Variants in L3MBTL4 observed in about 807,000 individuals in gnomAD.
L3MBTL4 encodes the protein L3MBTL histone methyl-lysine binding protein 4.
L3MBTL4 carries 70 observed loss-of-function variants against 84.5 expected under a neutral mutation model. That is an observed-to-expected ratio of 0.83 (90% confidence interval 0.68 to 1.01). L3MBTL4 has a LOEUF of 1.01. Ranked by LOEUF, L3MBTL4 falls within the 50% of genes least tolerant of loss-of-function variation. The pLI is 0.00. For missense variants in L3MBTL4, 715 were observed against 754.8 expected (o/e 0.95, Z 0.62); for synonymous variants, 274 against 259.8 (o/e 1.05, Z -0.52).
At chr18:6,160,211 C>T (rs1427295972) in intron 13 of L3MBTL4, among the ~76,000 whole-genome samples, 1 of 152,182 alleles carries the variant, frequency 6.6e-6, no homozygotes, top group East Asian at 1.9e-4. Flanking sequence ...AAGACCCCAC[C>T]CTAGGGGATC....
chr18:5,977,922 G>A lies in L3MBTL4; in HGVS notation c.1445-8360C>T, dbSNP rs181226892. 3.9e-3 allele frequency among the ~76,000 whole-genome samples: 589 copies of A among 152,294 alleles called. 5 individuals are homozygous for A. Among genetic ancestry groups the A allele is most frequent in the African/African-American group, 0.013 (531 of 41,544 alleles). ...ACCCTGCCACTGGCTACCCTTTATG[G>A]AAATTGTCCATTTATTTTTTCAGCC... On this transcript the variant is annotated intron_variant, in intron 16 of 18. Transcript: ENST00000317931.
At chr18:6,273,628 G>A (rs1437857045) in intron 4 of L3MBTL4, among the ~76,000 whole-genome samples, 1 of 152,242 alleles carries the variant, frequency 6.6e-6, no homozygotes, top group Non-Finnish European at 1.5e-5. Flanking sequence ...GACAGCTGGG[G>A]GCTGAAGAGG....
chr18:6,077,717 C>T (rs555986862), intron 16 of L3MBTL4, among the ~76,000 whole-genome samples: 123 of 146,766 alleles, frequency 8.4e-4, no homozygotes, highest in Non-Finnish European at 1.2e-3. Flanking sequence ...AGCCCATTTT[C>T]CTTAAAAAAA....
chr18:5,971,536 G>T (rs933378459), intron 16 of L3MBTL4, among the ~76,000 whole-genome samples: 2 of 152,158 alleles, frequency 1.3e-5, no homozygotes, highest in Non-Finnish European at 2.9e-5. Flanking sequence ...CACAGTGAAA[G>T]AATCTTATAT....
intron 4 of L3MBTL4, among the ~76,000 whole-genome samples, chr18:6,290,020 A>C (rs1431095031): frequency 6.6e-6 from 1 of 152,130 alleles, no homozygotes; most frequent in Non-Finnish European, 1.5e-5. Context: ...TCTTGAGCTC[A>C]AGGAATCCTC....
At chr18:6,247,466 A>ATTTTTTTTTTTTTTTTT (rs71163266) in intron 5 of L3MBTL4, among the ~76,000 whole-genome samples, 1 of 49,638 alleles carries the variant, frequency 2.0e-5, no homozygotes, top group African/African-American at 1.0e-4. Context: ...CCCTCCTCTG[A>ATTTTTTTTTTTTTTTTT]TTTTTTTTTT....
intron 18 of L3MBTL4, among the ~76,000 whole-genome samples, chr18:5,957,722 G>A (rs369189226): frequency 2.0e-5 from 3 of 151,958 alleles, no homozygotes; most frequent in African/African-American, 7.3e-5. Context: ...TTGGGAGGCC[G>A]AGGTGGGCAG....
At chr18:5,958,968 T>A (rs1401631456) in intron 18 of L3MBTL4, among the ~76,000 whole-genome samples, 2 of 152,156 alleles carry the variant, frequency 1.3e-5, no homozygotes, top group African/African-American at 4.8e-5. Flanking sequence ...AGACTGTATG[T>A]GTGAACGTGG....
chr18:5,961,973 T>G (rs911226037), intron 17 of L3MBTL4, among the ~76,000 whole-genome samples: 5 of 152,178 alleles, frequency 3.3e-5, no homozygotes, highest in African/African-American at 1.2e-4. Flanking sequence ...CCGTCATTCC[T>G]CAGACAACTG....
chr18:6,297,113 T>C (rs2050138792), intron 4 of L3MBTL4, among the ~76,000 whole-genome samples: 1 of 152,148 alleles, frequency 6.6e-6, no homozygotes, highest in Non-Finnish European at 1.5e-5. Flanking sequence ...TGATTATCCA[T>C]GAGGCGCTGG....
At chr18:6,158,991 G>T (rs1333406124) in intron 13 of L3MBTL4, among the ~76,000 whole-genome samples, 1 of 152,186 alleles carries the variant, frequency 6.6e-6, no homozygotes, top group Non-Finnish European at 1.5e-5. Flanking sequence ...TTATGAAAAG[G>T]TAAGGCTCCA....
chr18:6,348,289 A>G (rs2053016333), intron 1 of L3MBTL4, among the ~76,000 whole-genome samples: 1 of 152,098 alleles, frequency 6.6e-6, no homozygotes, highest in East Asian at 1.9e-4. Flanking sequence ...ATTGATCCTA[A>G]CAGTTATATG....
chr18:6,071,801 GAAAA>G (rs371238580), intron 16 of L3MBTL4, among the ~76,000 whole-genome samples: 23 of 118,076 alleles, frequency 1.9e-4, no homozygotes, highest in African/African-American at 7.0e-4. Context: ...AAGAAAGAAA[GAAAA>G]AGAAAGAAAG....
intron 16 of L3MBTL4, among the ~76,000 whole-genome samples, chr18:6,034,767 G>A (rs1375632329): frequency 1.3e-5 from 2 of 152,026 alleles, no homozygotes; most frequent in Non-Finnish European, 2.9e-5. Context: ...CCCACCAACA[G>A]TGTAAAAGTG....
intron 4 of L3MBTL4, among the ~76,000 whole-genome samples, chr18:6,271,537 G>A (rs915492505): frequency 2.6e-5 from 4 of 152,206 alleles, no homozygotes; most frequent in Non-Finnish European, 5.9e-5. Flanking sequence ...AGAACGCGGA[G>A]GAAAGTGTGA....
chr18:6,380,743 G>C (rs1271733602), intron 1 of L3MBTL4, among the ~76,000 whole-genome samples: 1 of 152,088 alleles, frequency 6.6e-6, no homozygotes, highest in Non-Finnish European at 1.5e-5. Context: ...CCAATTATAC[G>C]GTCAATTTTA....
At chr18:6,295,346 C>CTATATATATATATATATATATA (rs71163269) in intron 4 of L3MBTL4, among the ~76,000 whole-genome samples, 1 of 81,384 alleles carries the variant, frequency 1.2e-5, no homozygotes, top group African/African-American at 6.6e-5. Context: ...CTCTCTCTCT[C>CTATATATATATATATATATATA]TATATATATA....
chr18:6,072,912 A>G (rs1249712492), intron 16 of L3MBTL4, among the ~76,000 whole-genome samples: 4 of 107,462 alleles, frequency 3.7e-5, no homozygotes, highest in African/African-American at 1.5e-4. Flanking sequence ...ATATATATAT[A>G]TATATATATA....
chr18:6,253,482 AG>A (rs2048013010), intron 5 of L3MBTL4, among the ~76,000 whole-genome samples: 1 of 152,198 alleles, frequency 6.6e-6, no homozygotes, highest in African/African-American at 2.4e-5. Flanking sequence ...GTACATACTT[AG>A]GGGGTAAAAT....
Sources: allele counts gnomAD v4.1 joint callset (sites outside exome capture counted in the v4.1 genomes callset), GRCh38; gene constraint gnomAD v4.1.1; transcripts MANE v1.5; gene names NCBI Gene and HGNC (gene_info 2026-07-23, HGNC 2026-07-21).